ARHGAP6: variants seen among roughly 807,000 people sequenced by gnomAD.
The protein encoded by ARHGAP6 is rho GTPase-activating protein 6.
A neutral mutation model predicts 55.7 loss-of-function variants in ARHGAP6; 16 were observed. That is an observed-to-expected ratio of 0.29 (90% CI 0.19 to 0.44). ARHGAP6 has a LOEUF of 0.44. Ranked by LOEUF, ARHGAP6 falls within the 20% of genes least tolerant of loss-of-function variation. The pLI, the probability that ARHGAP6 is intolerant of heterozygous loss-of-function variation, is 1.00. For synonymous variants in ARHGAP6, 382 were observed against 360.9 expected, an observed-to-expected ratio of 1.06 and a Z score of -0.66; for missense variants, 698 against 808.9, an observed-to-expected ratio of 0.86 and a Z score of 1.66.
intron 1 of ARHGAP6, among the ~76,000 whole-genome samples, chrX:11,329,054 C>G (rs140775105): frequency 0.012 from 1,289 of 111,996 alleles, 23 homozygotes; most frequent in African/African-American, 0.039. Flanking sequence ...TAGAAAGGAG[C>G]TTTTTCTGTA....
rs748601198 is a variant in ARHGAP6, at chrX:11,160,814, A to C, written c.1810-4188T>G. ...TAGGAAGGGTCACAGTTATAAATCT[A>C]TCTACAGTTTCCTTTTAAAAGGCCC... On this transcript the variant is annotated intron_variant, in intron 9 of 12. Coordinates refer to ENST00000337414, the MANE Select transcript of ARHGAP6 (RefSeq NM_013427.3). 8.0e-5 allele frequency among the ~76,000 whole-genome samples: 9 copies of C among 111,868 alleles called. No individual in the cohort carries two copies. In the East Asian group the frequency reaches 2.5e-3, roughly 31 times the overall value.
intron 1 of ARHGAP6, among the ~76,000 whole-genome samples, chrX:11,255,226 T>A (rs755567146): frequency 9.0e-6 from 1 of 111,494 alleles, no homozygotes; most frequent in South Asian, 3.8e-4. Context: ...TTCTAATAAT[T>A]AGTAACTAAT....
intron 1 of ARHGAP6, among the ~76,000 whole-genome samples, chrX:11,497,298 C>T (rs1193676965): frequency 8.9e-6 from 1 of 112,066 alleles, no homozygotes; most frequent in Non-Finnish European, 1.9e-5. Context: ...CATAGTCTTA[C>T]ATAAATAACT....
chrX:11,608,952 C>T (rs1221155212), intron 1 of ARHGAP6, among the ~76,000 whole-genome samples: 2 of 111,615 alleles, frequency 1.8e-5, no homozygotes, highest in African/African-American at 6.5e-5. Flanking sequence ...TAAGGCATGG[C>T]TAACCACCTA....
chrX:11,417,063 T>C (rs1457147460), intron 1 of ARHGAP6, among the ~76,000 whole-genome samples: 2 of 18,746 alleles, frequency 1.1e-4, no homozygotes, highest in African/African-American at 3.5e-4. Flanking sequence ...TGTGTACATA[T>C]ATATATATAT....
In ARHGAP6 at chrX:11,331,946, TGAA is replaced by T. The variant is rs768077030; in HGVS notation, c.589-77242_589-77240del. Among the ~76,000 whole-genome samples, 385 of 112,000 alleles carry T rather than the reference TGAA, an allele frequency of 3.4e-3. 1 individual carries two copies. The highest frequency in any genetic ancestry group is 0.011 in the African/African-American group (338 of 30,861). On this transcript the variant is annotated intron_variant, in intron 1 of 12. Transcript: ENST00000337414. ...ACTGGCTATGCTTACTTTAAAACTG[TGAA>T]GCTCTGTATAAACAACTAACAAAAT...
intron 1 of ARHGAP6, among the ~76,000 whole-genome samples, chrX:11,256,906 G>A (rs2047501053): frequency 8.9e-6 from 1 of 111,849 alleles, no homozygotes; most frequent in African/African-American, 3.3e-5. Flanking sequence ...GGGGAGAGGA[G>A]TGAGTGAGCA....
intron 1 of ARHGAP6, among the ~76,000 whole-genome samples, chrX:11,567,978 G>A (rs1430377902): frequency 8.9e-6 from 1 of 111,799 alleles, no homozygotes; most frequent in Non-Finnish European, 1.9e-5. Context: ...ACCATGCTGG[G>A]AGAATTGCTT....
chrX:11,158,407 A>G lies in ARHGAP6; in HGVS notation c.1810-1781T>C, dbSNP rs992710482. Among the ~76,000 whole-genome samples, 7 of 112,284 alleles carry G rather than the reference A, an allele frequency of 6.2e-5. No individual in the cohort carries two copies. In the Middle Eastern group the frequency reaches 0.014, roughly 220 times the overall value. ...CTTGATATCATCTGAGTCCCGGGAC[A>G]AGCTATGTCTGAAGCCATATTTGCT... is the stretch of plus-strand genomic sequence containing the variant. On this transcript the variant is annotated intron_variant, in intron 9 of 12. Coordinates refer to ENST00000337414, the MANE Select transcript of ARHGAP6 (RefSeq NM_013427.3).
rs772723446 is a variant in ARHGAP6 at position 11,379,171 on chromosome X, C to T, written c.589-124464G>A. On this transcript the variant is annotated intron_variant, in intron 1 of 12. Transcript: ENST00000337414. ...TCCAGCAATCCGGCTCAGACATGTC[C>T]TTCTCATGGCCATGGCAGAAGCACA... Among the ~76,000 whole-genome samples, 16 of 112,169 alleles carry T rather than the reference C, an allele frequency of 1.4e-4. No homozygotes were observed. In the East Asian group the frequency reaches 3.4e-3, roughly 24 times the overall value.
At chrX:11,341,697 T>C (rs2048708511) in intron 1 of ARHGAP6, among the ~76,000 whole-genome samples, 2 of 111,954 alleles carry the variant, frequency 1.8e-5, no homozygotes, top group African/African-American at 6.5e-5. Flanking sequence ...GAATTGGAGT[T>C]TCACAGCTGA....
intron 1 of ARHGAP6, among the ~76,000 whole-genome samples, chrX:11,576,910 A>G (rs187065973): frequency 1.5e-3 from 171 of 111,582 alleles, no homozygotes; most frequent in Non-Finnish European, 2.6e-3. Flanking sequence ...TCCAGCTTCT[A>G]GAAGCCACTT....
intron 1 of ARHGAP6, among the ~76,000 whole-genome samples, chrX:11,374,003 T>G: frequency 9.0e-6 from 1 of 111,322 alleles, no homozygotes; most frequent in Admixed American, 9.5e-5. Flanking sequence ...CTATATAACA[T>G]AAAATAAAAT....
In ARHGAP6 at chrX:11,665,210, C is replaced by G. The variant is rs1459329198; in HGVS notation, c.-382G>C. Reference sequence around the variant, plus strand: ...CCTAGCTGAGGCGGGAGACGCAGCGCTCCTGCTCGCTGGCTCTGGATGGCC... The same window carrying G: ...CCTAGCTGAGGCGGGAGACGCAGCGGTCCTGCTCGCTGGCTCTGGATGGCC... On this transcript the variant is annotated 5_prime_UTR_variant, in exon 1 of 13. Coordinates refer to ENST00000337414, the MANE Select transcript of ARHGAP6 (RefSeq NM_013427.3). 1.3e-5 allele frequency: 2 copies of G among 148,987 alleles called. No homozygotes were observed. Among genetic ancestry groups the G allele is most frequent in the African/African-American group, 3.1e-5 (1 of 32,354 alleles). The allele number at this position is 148,987 out of a possible 1,213,427, so 12.3% of individuals were successfully genotyped here.
intron 1 of ARHGAP6, among the ~76,000 whole-genome samples, chrX:11,350,368 A>C (rs1303450898): frequency 8.9e-6 from 1 of 112,202 alleles, no homozygotes; most frequent in African/African-American, 3.2e-5. Flanking sequence ...AAATATTCGG[A>C]AAAAAAGTTT....
At chrX:11,388,312 G>A (rs1020093877) in intron 1 of ARHGAP6, among the ~76,000 whole-genome samples, 1 of 112,023 alleles carries the variant, frequency 8.9e-6, no homozygotes, top group African/African-American at 3.3e-5. Flanking sequence ...CAGTGATGAT[G>A]AGCATTTTTT....
intron 1 of ARHGAP6, among the ~76,000 whole-genome samples, chrX:11,513,945 T>C (rs1404025067): frequency 1.8e-5 from 2 of 109,773 alleles, no homozygotes; most frequent in Non-Finnish European, 3.8e-5. Context: ...GCGAATCACT[T>C]GAGCTCAGGA....
At chrX:11,346,994 T>G (rs1372159523) in intron 1 of ARHGAP6, among the ~76,000 whole-genome samples, 1 of 112,070 alleles carries the variant, frequency 8.9e-6, no homozygotes, top group Non-Finnish European at 1.9e-5. Context: ...AAAGAGGATG[T>G]GTTGATAATT....
At position 11,139,545 on chromosome X, in the gene ARHGAP6, GAA is replaced by G. The variant is rs2045591494; in HGVS notation, c.2258-17_2258-16del. 8.9e-7 allele frequency: 1 copy of G among 1,127,601 alleles called. No homozygotes were observed. Among genetic ancestry groups the G allele is most frequent in the South Asian group, 2.2e-5 (1 of 44,600 alleles). The allele number at this position is 1,127,601 out of a possible 1,213,427, so 92.9% of individuals were successfully genotyped here. ...TCCAGAGGAACCTGGAAGCCAGAGA[GAA>G]AGCCCAAGAAATGGAATCAGTTTGT... On this transcript the variant is annotated splice_polypyrimidine_tract_variant and intron_variant, in intron 12 of 12. Coordinates refer to ENST00000337414, the MANE Select transcript of ARHGAP6 (RefSeq NM_013427.3).
Sources: gnomAD v4.1 joint callset for allele counts (sites outside exome capture counted in the v4.1 genomes callset) on GRCh38, gnomAD v4.1.1 for gene constraint, MANE v1.5 for transcripts, NCBI Gene and HGNC (gene_info 2026-07-23, HGNC 2026-07-21) for gene names.